DIP2C: variants seen among roughly 807,000 people sequenced by gnomAD.
The protein encoded by DIP2C is disco-interacting protein 2 homolog C.
In DIP2C, 33 loss-of-function variants were observed where a neutral mutation model predicts 192.4. The observed-to-expected ratio is 0.17, with a 90% confidence interval of 0.13 to 0.23. The LOEUF (loss-of-function observed/expected upper bound fraction) is 0.23, where lower values mean the gene tolerates loss of function less well. DIP2C is among the 10% of genes least tolerant of loss of function. The probability of loss-of-function intolerance (pLI) is 1.00; values close to 1 mark genes in which losing one functional copy is unlikely to be tolerated. For synonymous variants in DIP2C, 979 were observed against 864.1 expected (o/e 1.13, Z -2.33); for missense variants, 1,537 against 2,110.1 (o/e 0.73, Z 5.32).
chr10:490,913 T>TGAGA (rs1844392816), intron 1 of DIP2C, among the ~76,000 whole-genome samples: 1 of 152,220 alleles, frequency 6.6e-6, no homozygotes, highest in Non-Finnish European at 1.5e-5. Context: ...GAAGGTCGAA[T>TGAGA]GAGACTGAGG....
At chr10:350,690 G>A (rs1350859313) in intron 24 of DIP2C, among the ~76,000 whole-genome samples, 1 of 147,804 alleles carries the variant, frequency 6.8e-6, no homozygotes, top group Non-Finnish European at 1.5e-5. Flanking sequence ...CCAGGCTGGA[G>A]TGCAGTGGCG....
chr10:439,039 TTTTGCCATG>T (rs1967503150), intron 4 of DIP2C, among the ~76,000 whole-genome samples: 1 of 152,142 alleles, frequency 6.6e-6, no homozygotes, highest in African/African-American at 2.4e-5. Context: ...TTTTGGTACA[TTTTGCCATG>T]TTTTCCGGGC....
At chr10:377,720 A>C (rs866509615) in intron 17 of DIP2C, among the ~76,000 whole-genome samples, 1 of 152,142 alleles carries the variant, frequency 6.6e-6, no homozygotes, top group South Asian at 2.1e-4. Context: ...TGGGCATCAG[A>C]CAGCACCCTT....
intron 1 of DIP2C, among the ~76,000 whole-genome samples, chr10:602,411 C>G (rs989885052): frequency 6.6e-6 from 1 of 152,184 alleles, no homozygotes; most frequent in Admixed American, 6.5e-5. Context: ...ATGTCTGTCC[C>G]CAAAACCTCA....
chr10:371,519 T>C lies in DIP2C; in HGVS notation c.1992-1886A>G, dbSNP rs116304108. ...TCCTTGTAAGAGAAAAGAGAGGTCC[T>C]GACACAGGGAGAAGCTCACGTGACG... is the stretch of plus-strand genomic sequence containing the variant. On this transcript the variant is annotated intron_variant, in intron 17 of 36. Transcript: ENST00000280886. Among the ~76,000 whole-genome samples the C allele has an allele frequency of 5.2e-3, 786 of 152,306 alleles. 3 individuals are homozygous for C. The highest frequency in any genetic ancestry group is 0.014 in the Middle Eastern group (4 of 294).
At chr10:544,581 C>T (rs1848180654) in intron 1 of DIP2C, among the ~76,000 whole-genome samples, 1 of 152,184 alleles carries the variant, frequency 6.6e-6, no homozygotes, top group African/African-American at 2.4e-5. Flanking sequence ...CCAATTTTCC[C>T]ATCTTCACCA....
chr10:337,526 CGTGT>C lies in DIP2C; in HGVS notation c.3584+3669_3584+3672del, dbSNP rs1021339892. On this transcript the variant is annotated intron_variant, in intron 29 of 36. Coordinates refer to ENST00000280886, the MANE Select transcript of DIP2C (RefSeq NM_014974.3). Reference sequence around the variant, plus strand: ...TAGACAGTCTGTGTGTGTGTGCGTGCGTGTGTGTTGTAGAGGCCTAGGAAGCTGT... The same window carrying C: ...TAGACAGTCTGTGTGTGTGTGCGTGCGTGTTGTAGAGGCCTAGGAAGCTGT... 7.5e-5 allele frequency among the ~76,000 whole-genome samples: 8 copies of C among 106,996 alleles called. No individual in the cohort carries two copies. In the South Asian group the frequency reaches 1.4e-3, roughly 18 times the overall value. 70.2% of individuals were successfully genotyped at this position (106,996 alleles called of 152,430 possible). A position where few individuals can be genotyped will look rare whatever the true frequency, so the allele number is the denominator to read the frequency against.
intron 1 of DIP2C, among the ~76,000 whole-genome samples, chr10:609,030 A>G (rs1377152105): frequency 6.6e-6 from 1 of 152,110 alleles, no homozygotes; most frequent in Non-Finnish European, 1.5e-5. Flanking sequence ...TGATTTTGTC[A>G]TCACTTTACC....
At chr10:480,877 C>G (rs1843553134) in intron 2 of DIP2C, among the ~76,000 whole-genome samples, 1 of 152,188 alleles carries the variant, frequency 6.6e-6, no homozygotes, top group African/African-American at 2.4e-5. Context: ...GCAACGCGGT[C>G]TAGAAAGATT....
chr10:338,963 C>A (rs1290728981), intron 29 of DIP2C, among the ~76,000 whole-genome samples: 2 of 152,114 alleles, frequency 1.3e-5, no homozygotes, highest in Non-Finnish European at 2.9e-5. Flanking sequence ...CCCTGCCTGG[C>A]TCCCACAGCC....
intron 31 of DIP2C, among the ~76,000 whole-genome samples, chr10:315,439 G>A (rs1780056199): frequency 6.6e-6 from 1 of 152,176 alleles, no homozygotes; most frequent in Admixed American, 6.5e-5. Flanking sequence ...GGTTGGCTAA[G>A]TATCTGCTTT....
At chr10:615,819 T>C (rs537518369) in intron 1 of DIP2C, among the ~76,000 whole-genome samples, 3 of 152,276 alleles carry the variant, frequency 2.0e-5, no homozygotes, top group Admixed American at 6.5e-5. Flanking sequence ...AAACAGACAT[T>C]GCGCCTGTGT....
At chr10:432,158 G>C (rs1174161815) in intron 4 of DIP2C, among the ~76,000 whole-genome samples, 1 of 152,040 alleles carries the variant, frequency 6.6e-6, no homozygotes, top group Non-Finnish European at 1.5e-5. Context: ...GTTCATGAGA[G>C]ATGTTTTCTT....
At chr10:517,902 T>C (rs1846459399) in intron 1 of DIP2C, among the ~76,000 whole-genome samples, 1 of 152,200 alleles carries the variant, frequency 6.6e-6, no homozygotes, top group Non-Finnish European at 1.5e-5. Flanking sequence ...AGGATCCTCT[T>C]CTGTGCAGTT....
At chr10:446,777 A>G (rs569669967) in intron 3 of DIP2C, among the ~76,000 whole-genome samples, 8 of 152,236 alleles carry the variant, frequency 5.3e-5, no homozygotes, top group Non-Finnish European at 8.8e-5. Flanking sequence ...GGAAATTCGT[A>G]TAACGACTAT....
At chr10:573,656 C>T (rs1460418256) in intron 1 of DIP2C, among the ~76,000 whole-genome samples, 1 of 152,118 alleles carries the variant, frequency 6.6e-6, no homozygotes, top group Non-Finnish European at 1.5e-5. Flanking sequence ...GCAATCCGCC[C>T]GCCTCGGCCT....
intron 10 of DIP2C, among the ~76,000 whole-genome samples, chr10:392,880 A>T (rs1963607578): frequency 2.4e-5 from 1 of 40,830 alleles, no homozygotes; most frequent in Admixed American, 3.4e-4. Context: ...CTCAACACTC[A>T]CACACACGTG....
chr10:299,167 G>T (rs746453034), intron 32 of DIP2C, among the ~76,000 whole-genome samples: 1 of 152,136 alleles, frequency 6.6e-6, no homozygotes, highest in Non-Finnish European at 1.5e-5. Flanking sequence ...AGTTTTTTCT[G>T]AACCATTTGA....
rs80210391 is a variant in DIP2C, at chr10:321,634, C to T, written c.3924+5372G>A. The stretch of plus-strand genomic sequence containing the variant: ...AGAACAGTCAGTCGGGGGTGCGGGG[C>T]TCCGGCGAGAGACCGGCGCTGTTAG... On this transcript the variant is annotated intron_variant, in intron 31 of 36. Coordinates refer to ENST00000280886, the MANE Select transcript of DIP2C (RefSeq NM_014974.3). Among the ~76,000 whole-genome samples the T allele has an allele frequency of 2.1e-4, 20 of 94,284 alleles. 1 individual carries two copies. The highest frequency in any genetic ancestry group is 4.3e-4 in the African/African-American group (10 of 23,088). The allele number at this position is 94,284 out of a possible 152,430, so 61.9% of individuals were successfully genotyped here.
Sources: gnomAD v4.1 joint callset for allele counts (sites outside exome capture counted in the v4.1 genomes callset) on GRCh38, gnomAD v4.1.1 for gene constraint, MANE v1.5 for transcripts, NCBI Gene and HGNC (gene_info 2026-07-23, HGNC 2026-07-21) for gene names.